The following SYCP2 variants were observed in gnomAD, a reference collection of about 807,000 sequenced individuals.
SYCP2 encodes the protein synaptonemal complex lateral element protein.
In SYCP2, 55 loss-of-function variants were observed where a neutral mutation model predicts 211.3. That is an observed-to-expected ratio of 0.26 (90% CI 0.21 to 0.33). SYCP2 has a LOEUF of 0.33. Ranked by LOEUF, SYCP2 falls within the 10% of genes least tolerant of loss-of-function variation. The probability of loss-of-function intolerance (pLI) is 1.00; values close to 1 mark genes in which losing one functional copy is unlikely to be tolerated. For synonymous variants in SYCP2, 570 were observed against 555.2 expected (o/e 1.03, Z -0.37); for missense variants, 1,731 against 1,752.0 (o/e 0.99, Z 0.21).
chr20:59,880,526 C>A lies in SYCP2; in HGVS notation c.2773-55G>T, dbSNP rs905306748. 191 of 1,075,438 alleles carry A rather than the reference C, an allele frequency of 1.8e-4. 1 individual carries two copies. The highest frequency in any genetic ancestry group is 2.3e-4 in the Non-Finnish European group (180 of 775,248). 66.6% of individuals were successfully genotyped at this position (1,075,438 alleles called of 1,614,324 possible). A position where few individuals can be genotyped will look rare whatever the true frequency, so the allele number is the denominator to read the frequency against. ...AAATACTACATCTCATTATGTCATGCAAGGTAAGTTAAACCAAAACAACAA... is the reference window on the plus strand; with the variant it reads ...AAATACTACATCTCATTATGTCATGAAAGGTAAGTTAAACCAAAACAACAA... On this transcript the variant is annotated intron_variant, in intron 30 of 44. Coordinates refer to ENST00000357552, the MANE Select transcript of SYCP2 (RefSeq NM_014258.4).
At chr20:59,886,495 A>G (rs6071000) in intron 25 of SYCP2, among the ~76,000 whole-genome samples, 2,942 of 152,120 alleles carry the variant, frequency 0.019, 42 homozygotes, top group Middle Eastern at 0.044. Flanking sequence ...CCTATATAAA[A>G]TGTAACTAGA....
At chr20:59,888,905 T>G (rs2059848381) in intron 24 of SYCP2, among the ~76,000 whole-genome samples, 2 of 151,968 alleles carry the variant, frequency 1.3e-5, no homozygotes, top group African/African-American at 4.8e-5. Flanking sequence ...CCGAAAGAAA[T>G]ACTTAGATGT....
intron 19 of SYCP2, among the ~76,000 whole-genome samples, chr20:59,895,927 A>G (rs956331949): frequency 1.3e-5 from 2 of 152,130 alleles, no homozygotes; most frequent in African/African-American, 4.8e-5. Flanking sequence ...ACTAGTACAC[A>G]GTATCAGGTT....
chr20:59,880,354 T>C lies in SYCP2; in HGVS notation c.2890A>G (p.Ile964Val). Reference sequence around the variant, plus strand: ...ACATTTTTATTTCTGCTATAGTCTATTAGCTGTGGTTTTGATTTCGGTTCT... The same window carrying C: ...ACATTTTTATTTCTGCTATAGTCTACTAGCTGTGGTTTTGATTTCGGTTCT... ...LREPKSKPQL[I>V]DYSRNKNVKN... Residue 964 changes from isoleucine (I) to valine (V), a missense_variant, in exon 31 of 45, where the codon ATA (isoleucine) becomes GTA (valine). Physicochemically the swap from Ile to Val is conservative, Grantham distance 29 (BLOSUM62 3). This residue lies in a region of SYCP2 where 1,387 missense variants were observed against 1,351.3 expected (regional missense o/e 1.03). Coordinates refer to ENST00000357552, the MANE Select transcript of SYCP2 (RefSeq NM_014258.4). 6.3e-7 allele frequency: 1 copy of C among 1,598,936 alleles called. No individual in the cohort carries two copies. The highest frequency in any genetic ancestry group is 8.5e-7 in the Non-Finnish European group (1 of 1,169,964).
intron 32 of SYCP2, among the ~76,000 whole-genome samples, chr20:59,877,778 ACTAT>A (rs929084341): frequency 1.2e-4 from 18 of 152,278 alleles, no homozygotes; most frequent in South Asian, 6.2e-4. Flanking sequence ...CCTGATATAT[ACTAT>A]CTAACTGAAG....
At chr20:59,917,615 AATT>A (rs2060467596) in intron 7 of SYCP2, among the ~76,000 whole-genome samples, 1 of 146,362 alleles carries the variant, frequency 6.8e-6, no homozygotes, top group Non-Finnish European at 1.6e-5. Flanking sequence ...AGGTAGGATT[AATT>A]ATTATTTAAA....
rs370577359 is a variant in SYCP2, at chr20:59,892,582, T to C, written c.1913A>G (p.Asp638Gly). Residue 638 changes from aspartate (D) to glycine (G), a missense_variant, in exon 23 of 45, where the codon GAC (aspartate) becomes GGC (glycine). By Grantham distance (94) the Asp-to-Gly change is moderately conservative (BLOSUM62 -1). This residue lies in a region of SYCP2 where 1,387 missense variants were observed against 1,351.3 expected (regional missense o/e 1.03). Transcript: ENST00000357552. ...NNQRASTSSGDTLNQDIVINK... is the reference protein window; with the variant it reads ...NNQRASTSSGGTLNQDIVINK... ...CTAAGTTTCACCTTGATTCAATGTG[T>C]CTCCTGACGAAGTACTTGCTCTTTG... The C allele has an allele frequency of 7.5e-6, 12 of 1,605,984 alleles. 1 individual carries two copies. In the South Asian group the frequency reaches 1.1e-4, roughly 15 times the overall value.
intron 2 of SYCP2, among the ~76,000 whole-genome samples, chr20:59,923,477 T>A (rs185920097): frequency 6.6e-6 from 1 of 152,048 alleles, no homozygotes; most frequent in East Asian, 1.9e-4. Flanking sequence ...ACCATCTCAT[T>A]TTAATAATTA....
intron 39 of SYCP2, among the ~76,000 whole-genome samples, chr20:59,867,454 TAA>T (rs11476334): frequency 1.8e-3 from 179 of 101,906 alleles, no homozygotes; most frequent in African/African-American, 5.2e-3. Flanking sequence ...AACTGTCCAG[TAA>T]AAAAAAAAAA....
At chr20:59,923,275 T>C (rs2060573848) in intron 2 of SYCP2, among the ~76,000 whole-genome samples, 1 of 151,980 alleles carries the variant, frequency 6.6e-6, no homozygotes, top group South Asian at 2.1e-4. Context: ...ATTAACATTA[T>C]TTTGGTCAAG....
At chr20:59,895,708 G>T in intron 19 of SYCP2, 111 bp from the exon 20 acceptor site, 1 of 1,278,374 alleles carries the variant, frequency 7.8e-7, no homozygotes, top group Non-Finnish European at 1.1e-6. Flanking sequence ...TGGTTCCCAG[G>T]TTTCTGGCTT....
intron 31 of SYCP2, 143 bp downstream of exon 31, chr20:59,880,159 AC>A: frequency 1.6e-6 from 1 of 635,880 alleles, no homozygotes; most frequent in African/African-American, 1.9e-5. Context: ...AAAACAAAAA[AC>A]ATAAAAACTA....
Position 59,914,095 on chromosome 20 carries a change from G to T in SYCP2, c.777+14C>A, listed in dbSNP as rs1432128818. ...TAAAAATTCACGAATTTCTGTTATT[G>T]TTATACAACTTACTGTTTCAAATTC... is the stretch of plus-strand genomic sequence containing the variant. On this transcript the variant is annotated intron_variant, in intron 11 of 44. Coordinates refer to ENST00000357552, the MANE Select transcript of SYCP2 (RefSeq NM_014258.4). 4.4e-6 allele frequency: 7 copies of T among 1,586,598 alleles called. No individual in the cohort carries two copies. The highest frequency in any genetic ancestry group is 6.0e-6 in the Non-Finnish European group (7 of 1,165,852).
intron 31 of SYCP2, 67 bp from the exon 32 acceptor site, chr20:59,878,112 C>A (rs2059597113): frequency 2.9e-6 from 3 of 1,023,152 alleles, no homozygotes; most frequent in East Asian, 2.5e-5. Context: ...TTTATTAGAA[C>A]ATCATTTCAG....
rs141795638 is a variant in SYCP2 at position 59,878,741 on chromosome 20, G to A, written c.2942-696C>T. 8.6e-4 allele frequency among the ~76,000 whole-genome samples: 130 copies of A among 152,024 alleles called. 1 individual carries two copies. In the East Asian group the frequency reaches 0.016, roughly 19 times the overall value. On this transcript the variant is annotated intron_variant, in intron 31 of 44. Coordinates refer to ENST00000357552, the MANE Select transcript of SYCP2 (RefSeq NM_014258.4). The stretch of plus-strand genomic sequence containing the variant: ...TATCATGTCCTGTATAATATCCTAC[G>A]ATTTATTTTCCATACATCACAATGT...
intron 34 of SYCP2, among the ~76,000 whole-genome samples, chr20:59,874,448 C>T (rs1331568352): frequency 6.6e-6 from 1 of 152,032 alleles, no homozygotes; most frequent in East Asian, 1.9e-4. Flanking sequence ...ATCTGCTCTA[C>T]ATCTTTCACA....
At chr20:59,922,076 C>T (rs1246259165) in intron 3 of SYCP2, among the ~76,000 whole-genome samples, 1 of 151,598 alleles carries the variant, frequency 6.6e-6, no homozygotes, top group Non-Finnish European at 1.5e-5. Context: ...CCTAAATACA[C>T]AATATCTTAA....
chr20:59,891,145 A>C (rs1398772880), intron 24 of SYCP2, among the ~76,000 whole-genome samples: 1 of 151,988 alleles, frequency 6.6e-6, no homozygotes, highest in Non-Finnish European at 1.5e-5. Context: ...TTTTACATTG[A>C]CTCTAGAAAT....
intron 22 of SYCP2, among the ~76,000 whole-genome samples, 166 bp downstream of exon 22, chr20:59,892,976 A>G (rs1213846717): frequency 6.6e-6 from 1 of 151,918 alleles, no homozygotes; most frequent in East Asian, 1.9e-4. Flanking sequence ...ATTGGACCAC[A>G]TGGGGAAAAA....
Sources: gnomAD v4.1 joint callset for allele counts (sites outside exome capture counted in the v4.1 genomes callset) on GRCh38, gnomAD v4.1.1 for gene constraint, gnomAD v4.1.1 regional missense constraint, MANE v1.5 for transcripts, NCBI Gene and HGNC (gene_info 2026-07-23, HGNC 2026-07-21) for gene names.